PUM1: variants seen among roughly 807,000 people sequenced by gnomAD.
PUM1 encodes pumilio homolog 1.
PUM1 carries 13 observed loss-of-function variants against 131.8 expected under a neutral mutation model. The observed-to-expected ratio is 0.10, with a 90% CI of 0.06 to 0.16. The LOEUF (loss-of-function observed/expected upper bound fraction) is 0.16. Among genes scored for constraint, PUM1 ranks in the 10% least tolerant of loss-of-function variants. The probability of loss-of-function intolerance (pLI) is 1.00; values close to 1 mark genes in which losing one functional copy is unlikely to be tolerated. For synonymous variants in PUM1, 509 were observed against 556.5 expected, an observed-to-expected ratio of 0.91 and a Z score of 1.20; for missense variants, 961 against 1,512.4, an observed-to-expected ratio of 0.64 and a Z score of 6.05.
intron 15 of PUM1, 68 bp downstream of exon 15, chr1:30,953,646 C>T (rs1475230277): frequency 6.5e-7 from 1 of 1,540,594 alleles, no homozygotes; most frequent in African/African-American, 1.4e-5. Flanking sequence ...AGTAGATACC[C>T]ATCTGAGCCA....
At chr1:31,000,084 T>C (rs969307035) in intron 5 of PUM1, among the ~76,000 whole-genome samples, 6 of 152,226 alleles carry the variant, frequency 3.9e-5, no homozygotes, top group Non-Finnish European at 8.8e-5. Context: ...TAGAGGTTCC[T>C]GCAAATGTTG....
At chr1:31,018,388 G>A (rs961255835) in intron 3 of PUM1, among the ~76,000 whole-genome samples, 4 of 151,980 alleles carry the variant, frequency 2.6e-5, no homozygotes, top group Non-Finnish European at 4.4e-5. Flanking sequence ...CTGGCGAGGC[G>A]TGGTGGCTCA....
rs537746958 is a variant in PUM1, at chr1:31,038,025, G to C, written c.364-9161C>G. Among the ~76,000 whole-genome samples, 3 of 151,182 alleles carry C rather than the reference G, an allele frequency of 2.0e-5. No individual in the cohort carries two copies. In the South Asian group the frequency reaches 6.3e-4, roughly 32 times the overall value. Reference sequence around the variant, plus strand: ...ACTCAGGAGGCGGAAGTTGCAGTGAGCCGAGATTTCGCCACTGCACTCCAG... The same window carrying C: ...ACTCAGGAGGCGGAAGTTGCAGTGACCCGAGATTTCGCCACTGCACTCCAG... On this transcript the variant is annotated intron_variant, in intron 2 of 21. Coordinates refer to ENST00000426105, the MANE Select transcript of PUM1 (RefSeq NM_001020658.2).
intron 7 of PUM1, among the ~76,000 whole-genome samples, chr1:30,983,533 G>T (rs921352348): frequency 6.6e-6 from 1 of 152,020 alleles, no homozygotes; most frequent in Non-Finnish European, 1.5e-5. Flanking sequence ...AACTCTTAAG[G>T]GTATCTCGAT....
At chr1:30,959,868 T>C (rs908665017) in intron 14 of PUM1, among the ~76,000 whole-genome samples, 21 of 149,472 alleles carry the variant, frequency 1.4e-4, no homozygotes, top group Non-Finnish European at 2.2e-4. Flanking sequence ...GATTGCACCA[T>C]TGCACTCCAC....
rs763485283 is a variant in PUM1 at position 30,952,321 on chromosome 1, G to T, written c.2634C>A (p.Arg878=). The stretch of plus-strand genomic sequence containing the variant: ...GGAGGATTTCATTGAAGACAAGCTG[G>T]CGCTCAGCTGGTGTGGCACGCTCCA... ...LKLERATPAE[R]QLVFNEILQA... is the part of the protein sequence containing the mutation. The change falls in exon 16 of 22, where the codon CGC becomes CGA. Residue 878 remains arginine, a synonymous_variant. Coordinates refer to ENST00000426105, the MANE Select transcript of PUM1 (RefSeq NM_001020658.2). 4.3e-6 allele frequency: 7 copies of T among 1,613,032 alleles called. No individual in the cohort carries two copies. The South Asian group carries it at 6.6e-5, about 15-fold the overall frequency.
chr1:31,048,971 T>C (rs1002068475), intron 2 of PUM1, among the ~76,000 whole-genome samples: 2 of 152,040 alleles, frequency 1.3e-5, no homozygotes, highest in Non-Finnish European at 2.9e-5. Flanking sequence ...TTTGGGAGGC[T>C]GAGGCGGGTA....
At chr1:31,045,061 G>A (rs1007305989) in intron 2 of PUM1, among the ~76,000 whole-genome samples, 23 of 151,864 alleles carry the variant, frequency 1.5e-4, no homozygotes, top group Non-Finnish European at 2.6e-4. Flanking sequence ...GCCTCCCAAA[G>A]TGCTGGGATT....
At position 30,966,222 on chromosome 1, in the gene PUM1, T is replaced by G; in HGVS notation, c.1846A>C (p.Thr616Pro). The change falls in exon 13 of 22, where the codon ACA becomes CCA. Residue 616 changes from threonine to proline, a missense_variant. Thr to Pro is a conservative substitution (Grantham distance 38, BLOSUM62 -1). Around this residue, in one of 4 missense-constraint regions of PUM1, gnomAD observed 654 missense variants for 923.9 expected, o/e 0.71. Coordinates refer to ENST00000426105, the MANE Select transcript of PUM1 (RefSeq NM_001020658.2). ...NGAAGGLAGT[T>P]NGPFRPLGTQ... ...CCTAAAGGGCGAAATGGTCCATTTG[T>G]TGTTCCAGCAAGACCACCAGCTGCT... 1.2e-6 allele frequency: 2 copies of G among 1,613,462 alleles called. No individual in the cohort carries two copies. Among genetic ancestry groups the G allele is most frequent in the Non-Finnish European group, 1.7e-6 (2 of 1,179,468 alleles).
intron 7 of PUM1, among the ~76,000 whole-genome samples, chr1:30,988,270 A>C (rs923200380): frequency 6.6e-6 from 1 of 152,230 alleles, no homozygotes; most frequent in Non-Finnish European, 1.5e-5. Context: ...TGTCACAGCT[A>C]ACAAGAACTA....
At chr1:31,027,738 T>C (rs1643279075) in intron 3 of PUM1, among the ~76,000 whole-genome samples, 1 of 152,222 alleles carries the variant, frequency 6.6e-6, no homozygotes, top group African/African-American at 2.4e-5. Context: ...AATCAAGGAA[T>C]ATTTGCTTCA....
At chr1:31,032,506 T>C (rs1429583708) in intron 2 of PUM1, among the ~76,000 whole-genome samples, 3 of 152,168 alleles carry the variant, frequency 2.0e-5, no homozygotes, top group Non-Finnish European at 4.4e-5. Context: ...GTTAATGTTT[T>C]GTTTTGTTTT....
chr1:30,985,529 G>C (rs1641518683), intron 7 of PUM1, among the ~76,000 whole-genome samples: 1 of 151,596 alleles, frequency 6.6e-6, no homozygotes, highest in South Asian at 2.1e-4. Context: ...GTGCAGGCCT[G>C]TAATCCCAGT....
At chr1:31,024,549 GTC>G (rs777372668) in intron 3 of PUM1, among the ~76,000 whole-genome samples, 14 of 152,226 alleles carry the variant, frequency 9.2e-5, no homozygotes, top group Non-Finnish European at 1.8e-4. Context: ...AAGGTGAAGA[GTC>G]ACATATCTAA....
At chr1:31,019,357 CATAAATAA>C (rs1035285010) in intron 3 of PUM1, among the ~76,000 whole-genome samples, 8 of 152,150 alleles carry the variant, frequency 5.3e-5, no homozygotes, top group Admixed American at 2.6e-4. Flanking sequence ...GTTTCAAAAA[CATAAATAA>C]ATAAACAAAT....
At chr1:30,981,471 T>C in intron 7 of PUM1, 66 bp from the exon 8 acceptor site, 7 of 1,040,704 alleles carry the variant, frequency 6.7e-6, no homozygotes, top group Non-Finnish European at 1.0e-5. Context: ...TAAAAACCTC[T>C]CTGACTAAAA....
At chr1:31,027,253 T>C (rs1238409866) in intron 3 of PUM1, among the ~76,000 whole-genome samples, 1 of 152,086 alleles carries the variant, frequency 6.6e-6, no homozygotes, top group Non-Finnish European at 1.5e-5. Flanking sequence ...CTGGACAACA[T>C]AGTGAGACTC....
chr1:30,992,370 G>T lies in PUM1; in HGVS notation c.1158+20C>A. ...TGGCTGGAGGGAGAGTAGAGAGGGTGACAGAGACACACACAGTACCTGTTG... is the reference window on the plus strand; with the variant it reads ...TGGCTGGAGGGAGAGTAGAGAGGGTTACAGAGACACACACAGTACCTGTTG... On this transcript the variant is annotated intron_variant, in intron 7 of 21. Transcript: ENST00000426105. The T allele has an allele frequency of 6.2e-7, 1 of 1,607,510 alleles. No homozygotes were observed. Among genetic ancestry groups the T allele is most frequent in the South Asian group, 1.1e-5 (1 of 90,260 alleles).
intron 1 of PUM1, 48 bp from the exon 2 acceptor site, chr1:31,059,625 CAT>C (rs1557611009): frequency 6.6e-7 from 1 of 1,518,366 alleles, no homozygotes; most frequent in African/African-American, 1.4e-5. Context: ...TCTTTTGAAA[CAT>C]AAAACACACT....
Sources: allele counts gnomAD v4.1 joint callset (sites outside exome capture counted in the v4.1 genomes callset), GRCh38; gene constraint gnomAD v4.1.1; regional missense constraint gnomAD v4.1.1; transcripts MANE v1.5; gene names NCBI Gene and HGNC (gene_info 2026-07-23, HGNC 2026-07-21).